Variants in EFCAB13 observed in about 807,000 individuals in gnomAD.
EFCAB13 encodes the protein EF-hand calcium-binding domain-containing protein 13.
In EFCAB13, 91 loss-of-function variants were observed where a neutral mutation model predicts 110.2. The observed-to-expected ratio is 0.83, with a 90% CI of 0.70 to 0.98. EFCAB13 has a LOEUF of 0.98. Among genes scored for constraint, EFCAB13 ranks in the 50% least tolerant of loss-of-function variants. The probability of loss-of-function intolerance (pLI) is 0.00; values close to 1 mark genes in which losing one functional copy is unlikely to be tolerated. For missense variants in EFCAB13, 968 were observed against 1,119.4 expected (o/e 0.86, Z 1.93); for synonymous variants, 323 against 369.9 (o/e 0.87, Z 1.45).
At chr17:47,376,996 CAT>C (rs2065619079) in intron 12 of EFCAB13, among the ~76,000 whole-genome samples, 1 of 152,174 alleles carries the variant, frequency 6.6e-6, no homozygotes, top group Non-Finnish European at 1.5e-5. Flanking sequence ...GTAAGAAGCA[CAT>C]GACGTCTATG....
chr17:47,342,198 T>TA (rs962596840), intron 6 of EFCAB13, among the ~76,000 whole-genome samples, 166 bp downstream of exon 6: 40 of 148,918 alleles, frequency 2.7e-4, no homozygotes, highest in African/African-American at 4.7e-4. Flanking sequence ...TTCTTCTCCT[T>TA]AAAAAAAAAA....
chr17:47,412,177 C>G (rs1386301500), intron 21 of EFCAB13, among the ~76,000 whole-genome samples: 1 of 152,232 alleles, frequency 6.6e-6, no homozygotes, highest in African/African-American at 2.4e-5. Context: ...GGTGTGAGAT[C>G]AACAGGACTG....
At position 47,404,497 on chromosome 17, in the gene EFCAB13, T is replaced by C. The variant is rs117973611; in HGVS notation, c.2162-65T>C. 3.2e-3 allele frequency: 3,884 copies of C among 1,204,920 alleles called. 7 individuals are homozygous for C. Among genetic ancestry groups the C allele is most frequent in the Non-Finnish European group, 4.2e-3 (3,454 of 831,056 alleles). The allele number at this position is 1,204,920 out of a possible 1,614,324, so 74.6% of individuals were successfully genotyped here. ...TATATAAGTCATATGCTGATTTTGA[T>C]ACTAGCCTTTAAGTATTACTTTGTC... On this transcript the variant is annotated intron_variant, in intron 19 of 24. Transcript: ENST00000331493.
chr17:47,384,633 G>A (rs554744350), intron 14 of EFCAB13, among the ~76,000 whole-genome samples: 98 of 152,244 alleles, frequency 6.4e-4, no homozygotes, highest in Non-Finnish European at 1.1e-3. Context: ...ATTCCAGTTA[G>A]AAAATTCTTT....
chr17:47,412,453 G>A (rs1380148702), intron 21 of EFCAB13, among the ~76,000 whole-genome samples: 1 of 152,092 alleles, frequency 6.6e-6, no homozygotes, highest in Non-Finnish European at 1.5e-5. Flanking sequence ...ATCATCAGGT[G>A]GTAGAAATCT....
intron 21 of EFCAB13, among the ~76,000 whole-genome samples, chr17:47,410,030 T>C (rs938607158): frequency 1.3e-5 from 2 of 152,150 alleles, no homozygotes; most frequent in African/African-American, 4.8e-5. Context: ...TTCTATTCCC[T>C]GGAATATTCT....
chr17:47,398,825 G>A (rs2065763045), intron 17 of EFCAB13, among the ~76,000 whole-genome samples: 2 of 151,276 alleles, frequency 1.3e-5, no homozygotes, highest in South Asian at 2.1e-4. Context: ...CCCCCTCTGC[G>A]AGAAACACCC....
chr17:47,372,239 T>G (rs2065589037), intron 11 of EFCAB13, among the ~76,000 whole-genome samples: 1 of 152,156 alleles, frequency 6.6e-6, no homozygotes, highest in African/African-American at 2.4e-5. Context: ...TTTTGTGTAT[T>G]TACTGTAGGT....
At chr17:47,413,052 G>A in intron 22 of EFCAB13, 136 bp downstream of exon 22, 1 of 734,484 alleles carries the variant, frequency 1.4e-6, no homozygotes, top group Non-Finnish European at 2.1e-6. Context: ...ACAAATTAGA[G>A]CCAAACCACT....
intron 5 of EFCAB13, among the ~76,000 whole-genome samples, chr17:47,338,861 A>G (rs2065367216): frequency 6.6e-6 from 1 of 151,958 alleles, no homozygotes; most frequent in Non-Finnish European, 1.5e-5. Context: ...TGTGTCAAAA[A>G]AGCAAGATAC....
intron 5 of EFCAB13, among the ~76,000 whole-genome samples, chr17:47,337,124 G>A (rs1215217327): frequency 1.3e-5 from 2 of 152,194 alleles, no homozygotes; most frequent in Non-Finnish European, 2.9e-5. Context: ...ATTTCTAGAA[G>A]ACTACAATAA....
chr17:47,391,766 A>G (rs922869522), intron 15 of EFCAB13, among the ~76,000 whole-genome samples, 186 bp downstream of exon 15: 1 of 151,980 alleles, frequency 6.6e-6, no homozygotes, highest in African/African-American at 2.4e-5. Context: ...AGGAATAACC[A>G]GTATTAATAG....
intron 9 of EFCAB13, among the ~76,000 whole-genome samples, chr17:47,357,792 A>G (rs1386566705): frequency 1.3e-5 from 2 of 152,224 alleles, no homozygotes; most frequent in African/African-American, 4.8e-5. Context: ...ATAGTCAGAA[A>G]AAAATGTAAG....
At chr17:47,405,208 T>G (rs2065799112) in intron 20 of EFCAB13, among the ~76,000 whole-genome samples, 1 of 152,218 alleles carries the variant, frequency 6.6e-6, no homozygotes, top group South Asian at 2.1e-4. Flanking sequence ...TCCACAATAC[T>G]TTTAATAAAT....
intron 9 of EFCAB13, among the ~76,000 whole-genome samples, chr17:47,357,710 C>T (rs1422365194): frequency 6.6e-6 from 1 of 152,182 alleles, no homozygotes. Flanking sequence ...CCACTGTGCC[C>T]TGCTACAAAA....
At chr17:47,408,675 A>T (rs2065818207) in intron 20 of EFCAB13, among the ~76,000 whole-genome samples, 1 of 152,158 alleles carries the variant, frequency 6.6e-6, no homozygotes, top group African/African-American at 2.4e-5. Context: ...AATACAAAAT[A>T]AAAAGTATAA....
chr17:47,328,450 C>T (rs2065300583), intron 4 of EFCAB13, 67 bp downstream of exon 4: 1 of 1,282,200 alleles, frequency 7.8e-7, no homozygotes, highest in Non-Finnish European at 1.1e-6. Flanking sequence ...TACATTACCT[C>T]ATATTCATAA....
At chr17:47,348,510 T>C (rs1662180930) in intron 9 of EFCAB13, among the ~76,000 whole-genome samples, 1 of 152,168 alleles carries the variant, frequency 6.6e-6, no homozygotes, top group Admixed American at 6.5e-5. Flanking sequence ...TCATTATGTA[T>C]ATAATCTTTT....
rs2065602606 is a variant in EFCAB13 at position 47,374,501 on chromosome 17, A to G, written c.907A>G (p.Ile303Val). 1.3e-6 allele frequency: 2 copies of G among 1,539,308 alleles called. No individual in the cohort carries two copies. The highest frequency in any genetic ancestry group is 1.3e-5 in the South Asian group (1 of 78,110). The part of the protein sequence containing the change: ...SITEGSPLNE[I>V]TSDRKLSSVA... ...TACAGAAGGATCACCTTTGAATGAAATTACTTCAGACAGAAAGTTATCAAG... is the reference window on the plus strand; with the variant it reads ...TACAGAAGGATCACCTTTGAATGAAGTTACTTCAGACAGAAAGTTATCAAG... Residue 303 changes from isoleucine to valine, a missense_variant, in exon 12 of 25, where the codon ATT (isoleucine) becomes GTT (valine). Coordinates refer to ENST00000331493, the MANE Select transcript of EFCAB13 (RefSeq NM_152347.5).
Sources: allele counts gnomAD v4.1 joint callset (sites outside exome capture counted in the v4.1 genomes callset), GRCh38; gene constraint gnomAD v4.1.1; transcripts MANE v1.5; gene names NCBI Gene and HGNC (gene_info 2026-07-23, HGNC 2026-07-21).